The following VPS53 variants were observed in gnomAD, a reference collection of about 807,000 sequenced individuals.
VPS53 encodes vacuolar protein sorting-associated protein 53 homolog.
In VPS53, 70 loss-of-function variants were observed where a neutral mutation model predicts 107.0. The observed-to-expected ratio is 0.65, with a 90% CI of 0.54 to 0.80. VPS53 has a LOEUF of 0.80. Ranked by LOEUF, VPS53 falls within the 30% of genes least tolerant of loss-of-function variation. VPS53 has a pLI of 0.00. For synonymous variants in VPS53, 409 were observed against 393.3 expected (o/e 1.04, Z -0.47); for missense variants, 917 against 1,049.4 (o/e 0.87, Z 1.74).
chr17:604,865 A>G (rs1386097033), intron 11 of VPS53, among the ~76,000 whole-genome samples: 3 of 152,086 alleles, frequency 2.0e-5, no homozygotes, highest in Non-Finnish European at 4.4e-5. Context: ...TCCCTCATCC[A>G]CTCAACAAAG....
At chr17:626,722 A>G (rs1969724721) in intron 10 of VPS53, among the ~76,000 whole-genome samples, 1 of 152,180 alleles carries the variant, frequency 6.6e-6, no homozygotes, top group South Asian at 2.1e-4. Flanking sequence ...CTGTATTGGG[A>G]GTGGGAAATT....
intron 12 of VPS53, among the ~76,000 whole-genome samples, chr17:597,628 C>T (rs1326588818): frequency 2.6e-5 from 4 of 152,114 alleles, no homozygotes; most frequent in Admixed American, 6.5e-5. Context: ...CTGTAACCTC[C>T]GCCTCCCAAG....
intron 4 of VPS53, among the ~76,000 whole-genome samples, chr17:670,284 C>G (rs1303022949): frequency 6.6e-6 from 1 of 152,170 alleles, no homozygotes. Flanking sequence ...AAAGCGGTGA[C>G]TGCCGTGCTC....
chr17:670,096 T>A (rs1219137233), intron 4 of VPS53, among the ~76,000 whole-genome samples: 1 of 152,052 alleles, frequency 6.6e-6, no homozygotes, highest in African/African-American at 2.4e-5. Flanking sequence ...TTGTGGCCCT[T>A]TTTAGGACTC....
At chr17:713,744 G>C (rs1281575497) in intron 1 of VPS53, among the ~76,000 whole-genome samples, 3 of 151,226 alleles carry the variant, frequency 2.0e-5, no homozygotes, top group Non-Finnish European at 4.4e-5. Flanking sequence ...AAAGGCAAGA[G>C]TTCCTGCAGG....
intron 1 of VPS53, among the ~76,000 whole-genome samples, chr17:712,833 C>T (rs985693119): frequency 3.8e-4 from 58 of 152,136 alleles, no homozygotes; most frequent in African/African-American, 1.4e-3. Context: ...TTTTCTGATA[C>T]CTGTCAACCA....
chr17:611,778 T>A (rs1968889151), intron 11 of VPS53, among the ~76,000 whole-genome samples: 1 of 151,750 alleles, frequency 6.6e-6, no homozygotes, highest in African/African-American at 2.4e-5. Flanking sequence ...ACATAGTGAG[T>A]TCACACAGTG....
intron 4 of VPS53, among the ~76,000 whole-genome samples, chr17:669,235 T>C (rs1017085918): frequency 6.6e-6 from 1 of 152,176 alleles, no homozygotes; most frequent in Admixed American, 6.5e-5. Context: ...CTTCACTACC[T>C]GGCTAATCAG....
chr17:529,963 C>T (rs762639605), intron 19 of VPS53, among the ~76,000 whole-genome samples: 11 of 151,216 alleles, frequency 7.3e-5, no homozygotes, highest in South Asian at 4.2e-4. Flanking sequence ...CTTGAGCCCA[C>T]GAATTGAGAC....
rs1364157616 is a variant in VPS53, at chr17:511,155, C to A, written c.*7973G>T. 6.6e-6 allele frequency: 1 copy of A among 152,208 alleles called. No homozygotes were observed. The allele number at this position is 152,208 out of a possible 1,614,324, so 9.4% of individuals were successfully genotyped here. A position where few individuals can be genotyped will look rare whatever the true frequency, so the allele number is the denominator to read the frequency against. ...TCCAGTGGCTGCTCCAGTTGGTCCACTGCAGTGCTTGATTTTGTGAAGAAC... is the reference window on the plus strand; with the variant it reads ...TCCAGTGGCTGCTCCAGTTGGTCCAATGCAGTGCTTGATTTTGTGAAGAAC... On this transcript the variant is annotated 3_prime_UTR_variant, in exon 22 of 22. Coordinates refer to ENST00000437048, the MANE Select transcript of VPS53 (RefSeq NM_001128159.3).
At chr17:610,165 AC>A (rs1968794394) in intron 11 of VPS53, among the ~76,000 whole-genome samples, 1 of 149,876 alleles carries the variant, frequency 6.7e-6, no homozygotes, top group Non-Finnish European at 1.5e-5. Flanking sequence ...ACACACACAC[AC>A]ACACACACAC....
At chr17:630,021 T>C (rs1484056302) in intron 8 of VPS53, among the ~76,000 whole-genome samples, 1 of 151,732 alleles carries the variant, frequency 6.6e-6, no homozygotes, top group Non-Finnish European at 1.5e-5. Context: ...TGGCTGGGCA[T>C]GGTGGCTCAT....
At chr17:651,066 TAAA>T (rs1041014076) in intron 7 of VPS53, among the ~76,000 whole-genome samples, 1 of 152,138 alleles carries the variant, frequency 6.6e-6, no homozygotes, top group African/African-American at 2.4e-5. Context: ...GAGATAGGAT[TAAA>T]ACTATAGATT....
At chr17:571,053 T>C (rs1317480425) in intron 13 of VPS53, among the ~76,000 whole-genome samples, 1 of 152,234 alleles carries the variant, frequency 6.6e-6, no homozygotes, top group African/African-American at 2.4e-5. Flanking sequence ...GCACAGTGGT[T>C]CACGTCTGTA....
intron 4 of VPS53, among the ~76,000 whole-genome samples, chr17:678,923 G>T (rs890631154): frequency 8.7e-5 from 1 of 11,554 alleles, no homozygotes; most frequent in Admixed American, 1.2e-3. Context: ...ACAGGCGTGA[G>T]CCACCGCGCC....
chr17:684,055 G>A (rs1972498494), intron 4 of VPS53, among the ~76,000 whole-genome samples: 1 of 152,168 alleles, frequency 6.6e-6, no homozygotes, highest in Non-Finnish European at 1.5e-5. Flanking sequence ...GTGATACAAT[G>A]TCATCACTGT....
chr17:611,726 TCA>T (rs1394935998), intron 11 of VPS53, among the ~76,000 whole-genome samples: 1 of 152,192 alleles, frequency 6.6e-6, no homozygotes, highest in Non-Finnish European at 1.5e-5. Context: ...GTACAAATAT[TCA>T]CATAGTGAGT....
chr17:570,345 G>T (rs1306460938), intron 13 of VPS53, among the ~76,000 whole-genome samples: 1 of 141,404 alleles, frequency 7.1e-6, no homozygotes, highest in African/African-American at 2.7e-5. Flanking sequence ...ACTCCAGCCT[G>T]GGGAATAGAG....
At chr17:684,366 T>C (rs1304719288) in intron 4 of VPS53, among the ~76,000 whole-genome samples, 1 of 151,952 alleles carries the variant, frequency 6.6e-6, no homozygotes, top group Non-Finnish European at 1.5e-5. Flanking sequence ...AGCTGCACAA[T>C]ATAAGGTCAA....
Sources: gnomAD v4.1 joint callset for allele counts (sites outside exome capture counted in the v4.1 genomes callset) on GRCh38, gnomAD v4.1.1 for gene constraint, MANE v1.5 for transcripts, NCBI Gene and HGNC (gene_info 2026-07-23, HGNC 2026-07-21) for gene names.